The following ULK4 variants were observed in gnomAD, a reference collection of about 807,000 sequenced individuals.
ULK4 encodes inactive serine/threonine-protein kinase ULK4.
A neutral mutation model predicts 160.6 loss-of-function variants in ULK4; 133 were observed. The ratio of observed to expected loss-of-function variants is 0.83; its 90% CI spans 0.72 to 0.96. The LOEUF (loss-of-function observed/expected upper bound fraction) is 0.96. ULK4 is among the 40% of genes least tolerant of loss of function. The pLI, the probability that ULK4 is intolerant of heterozygous loss-of-function variation, is 0.00. For missense variants in ULK4, 1,580 were observed against 1,499.5 expected, an observed-to-expected ratio of 1.05 and a Z score of -0.89; for synonymous variants, 534 against 539.8, an observed-to-expected ratio of 0.99 and a Z score of 0.15.
At chr3:41,807,112 A>G (rs1267587962) in intron 19 of ULK4, among the ~76,000 whole-genome samples, 1 of 152,212 alleles carries the variant, frequency 6.6e-6, no homozygotes, top group East Asian at 1.9e-4. Context: ...TGGGCAATAC[A>G]GCCAGATCTT....
intron 35 of ULK4, among the ~76,000 whole-genome samples, chr3:41,340,182 G>A (rs2080652103): frequency 6.6e-6 from 1 of 152,220 alleles, no homozygotes; most frequent in South Asian, 2.1e-4. Context: ...GTTTGATTGG[G>A]TTTTTAATGC....
intron 17 of ULK4, among the ~76,000 whole-genome samples, chr3:41,874,720 A>G (rs1697235303): frequency 6.6e-6 from 1 of 152,156 alleles, no homozygotes; most frequent in Non-Finnish European, 1.5e-5. Flanking sequence ...GAAGGAGGGG[A>G]GAGGGATTAA....
intron 36 of ULK4, among the ~76,000 whole-genome samples, chr3:41,247,633 G>T (rs1469623899): frequency 6.6e-6 from 1 of 152,158 alleles, no homozygotes; most frequent in Non-Finnish European, 1.5e-5. Context: ...CTGCATAAAA[G>T]ATGTGGGTGG....
chr3:41,834,412 C>T lies in ULK4; in HGVS notation c.1764+1452G>A, dbSNP rs553951418. Among the ~76,000 whole-genome samples the T allele has an allele frequency of 4.6e-5, 7 of 152,090 alleles. No homozygotes were observed. The East Asian group carries it at 5.8e-4, about 13-fold the overall frequency. ...AAATGTGATTTGGAAGACTCAAAAT[C>T]GTAACGATATTAGTTATCAAATTTA... On this transcript the variant is annotated intron_variant, in intron 18 of 36. Coordinates refer to ENST00000301831, the MANE Select transcript of ULK4 (RefSeq NM_017886.4).
At chr3:41,250,001 T>C (rs948190077) in intron 35 of ULK4, among the ~76,000 whole-genome samples, 6 of 152,148 alleles carry the variant, frequency 3.9e-5, no homozygotes, top group African/African-American at 1.2e-4. Flanking sequence ...TTCACGTGGA[T>C]AGAAGGATGC....
chr3:41,474,915 T>C (rs2125890443), intron 32 of ULK4, among the ~76,000 whole-genome samples: 1 of 151,872 alleles, frequency 6.6e-6, no homozygotes, highest in South Asian at 2.1e-4. Context: ...ATGACTATTA[T>C]GGAAAAGTAT....
At chr3:41,480,068 G>A (rs549196166) in intron 32 of ULK4, among the ~76,000 whole-genome samples, 43 of 152,052 alleles carry the variant, frequency 2.8e-4, no homozygotes, top group African/African-American at 9.4e-4. Context: ...TTAGCCAGGC[G>A]TGGTGGCGGG....
chr3:41,916,573 T>C (rs1698973078), intron 7 of ULK4, among the ~76,000 whole-genome samples: 1 of 152,084 alleles, frequency 6.6e-6, no homozygotes, highest in Non-Finnish European at 1.5e-5. Flanking sequence ...TTATTTTTTA[T>C]AGAGATGGGG....
chr3:41,487,412 G>C (rs1230662470), intron 32 of ULK4, among the ~76,000 whole-genome samples: 1 of 152,068 alleles, frequency 6.6e-6, no homozygotes, highest in Non-Finnish European at 1.5e-5. Context: ...TTTGTAAAAA[G>C]AGAATTAAGT....
At chr3:41,559,019 CT>C (rs1239188495) in intron 32 of ULK4, among the ~76,000 whole-genome samples, 3 of 134,594 alleles carry the variant, frequency 2.2e-5, no homozygotes, top group East Asian at 4.3e-4. Context: ...AATGCTATCC[CT>C]CCCCCCTACC....
chr3:41,578,162 G>A (rs1374825897), intron 31 of ULK4, among the ~76,000 whole-genome samples: 4 of 152,194 alleles, frequency 2.6e-5, no homozygotes, highest in African/African-American at 9.7e-5. Flanking sequence ...CTTACAGTCA[G>A]GGTTGAAATT....
chr3:41,959,535 A>AT (rs1559678234), intron 1 of ULK4, among the ~76,000 whole-genome samples: 1 of 151,790 alleles, frequency 6.6e-6, no homozygotes, highest in Non-Finnish European at 1.5e-5. Flanking sequence ...AAAAATAATA[A>AT]TAATTAATTA....
At chr3:41,381,211 C>G (rs139842551) in intron 35 of ULK4, among the ~76,000 whole-genome samples, 2 of 152,318 alleles carry the variant, frequency 1.3e-5, no homozygotes, top group East Asian at 3.9e-4. Context: ...TCCAAAACTA[C>G]TCATTTCTTT....
intron 35 of ULK4, among the ~76,000 whole-genome samples, chr3:41,281,141 T>C (rs1222437576): frequency 6.6e-6 from 1 of 151,844 alleles, no homozygotes; most frequent in Non-Finnish European, 1.5e-5. Flanking sequence ...CAATAACAGG[T>C]TCTGAAATTG....
chr3:41,298,657 C>T (rs1290376454), intron 35 of ULK4, among the ~76,000 whole-genome samples: 4 of 152,100 alleles, frequency 2.6e-5, no homozygotes, highest in African/African-American at 9.7e-5. Flanking sequence ...AAAGTGATAA[C>T]CCTGGGAAGG....
At chr3:41,370,584 G>T (rs2081344224) in intron 35 of ULK4, among the ~76,000 whole-genome samples, 1 of 152,166 alleles carries the variant, frequency 6.6e-6, no homozygotes, top group Non-Finnish European at 1.5e-5. Flanking sequence ...CTAGCCAAGG[G>T]AAGCCATGAG....
At chr3:41,761,584 A>G (rs868608555) in intron 21 of ULK4, among the ~76,000 whole-genome samples, 5 of 151,792 alleles carry the variant, frequency 3.3e-5, no homozygotes, top group Admixed American at 1.3e-4. Context: ...GAACAAAAAT[A>G]AGTGAGGATA....
At chr3:41,656,083 T>C (rs1362123512) in intron 30 of ULK4, among the ~76,000 whole-genome samples, 1 of 152,138 alleles carries the variant, frequency 6.6e-6, no homozygotes, top group Non-Finnish European at 1.5e-5. Flanking sequence ...CCCCAGTTTT[T>C]TGTAGGGTGC....
At chr3:41,639,743 G>A (rs974313405) in intron 30 of ULK4, among the ~76,000 whole-genome samples, 4 of 151,926 alleles carry the variant, frequency 2.6e-5, no homozygotes, top group Non-Finnish European at 4.4e-5. Flanking sequence ...ATAAATACAT[G>A]TATCTGTCAA....
Sources: gnomAD v4.1 joint callset for allele counts (sites outside exome capture counted in the v4.1 genomes callset) on GRCh38, gnomAD v4.1.1 for gene constraint, MANE v1.5 for transcripts, NCBI Gene and HGNC (gene_info 2026-07-23, HGNC 2026-07-21) for gene names.